Variants in LDB2 observed in about 807,000 individuals in gnomAD.
The protein encoded by LDB2 is LIM domain binding 2, also known as LIM domain-binding protein 2.
A neutral mutation model predicts 44.3 loss-of-function variants in LDB2; 12 were observed. The observed-to-expected ratio is 0.27, with a 90% CI of 0.17 to 0.44. The LOEUF (loss-of-function observed/expected upper bound fraction) is 0.44, where lower values mean the gene tolerates loss of function less well. Ranked by LOEUF, LDB2 falls within the 20% of genes least tolerant of loss-of-function variation. The pLI is 1.00. For missense variants in LDB2, 344 were observed against 473.5 expected (o/e 0.73, Z 2.54); for synonymous variants, 164 against 174.8 (o/e 0.94, Z 0.49).
At chr4:16,739,674 A>G (rs1354786485) in intron 2 of LDB2, among the ~76,000 whole-genome samples, 2 of 84,224 alleles carry the variant, frequency 2.4e-5, no homozygotes, top group Non-Finnish European at 4.5e-5. Flanking sequence ...ATATATACAT[A>G]TGTGTGTATA....
chr4:16,512,169 T>C, intron 5 of LDB2, 65 bp from the exon 6 acceptor site: 1 of 1,402,482 alleles, frequency 7.1e-7, no homozygotes, highest in Non-Finnish European at 9.6e-7. Flanking sequence ...TAAATAATGC[T>C]AACAGCTGGA....
At chr4:16,730,403 C>G (rs1760493520) in intron 2 of LDB2, among the ~76,000 whole-genome samples, 1 of 152,168 alleles carries the variant, frequency 6.6e-6, no homozygotes. Flanking sequence ...AGATCTTGTT[C>G]TTAATCTCTG....
chr4:16,599,776 C>G (rs533220855), intron 2 of LDB2, among the ~76,000 whole-genome samples: 47 of 152,322 alleles, frequency 3.1e-4, no homozygotes, highest in African/African-American at 1.1e-3. Flanking sequence ...TCAATTTCTT[C>G]TGTAAACATT....
chr4:16,880,696 G>T (rs1719802915), intron 1 of LDB2, among the ~76,000 whole-genome samples: 1 of 152,050 alleles, frequency 6.6e-6, no homozygotes, highest in Non-Finnish European at 1.5e-5. Flanking sequence ...ACGAGGTCAG[G>T]AGATCGAGAC....
intron 2 of LDB2, among the ~76,000 whole-genome samples, chr4:16,747,609 A>G (rs1442121238): frequency 6.6e-6 from 1 of 152,228 alleles, no homozygotes; most frequent in Non-Finnish European, 1.5e-5. Flanking sequence ...CATATATGAC[A>G]TGACAAACAT....
intron 1 of LDB2, among the ~76,000 whole-genome samples, chr4:16,804,921 G>T (rs1311145483): frequency 6.6e-6 from 1 of 152,136 alleles, no homozygotes; most frequent in Non-Finnish European, 1.5e-5. Context: ...TATTCTGGAT[G>T]CTGGAAATCC....
intron 5 of LDB2, among the ~76,000 whole-genome samples, chr4:16,583,222 T>C (rs992575033): frequency 2.6e-5 from 4 of 152,244 alleles, no homozygotes; most frequent in Non-Finnish European, 4.4e-5. Flanking sequence ...GCCTACTTTC[T>C]GCTCTGCTTA....
At chr4:16,756,661 G>A (rs893911070) in intron 2 of LDB2, among the ~76,000 whole-genome samples, 7 of 151,882 alleles carry the variant, frequency 4.6e-5, no homozygotes, top group African/African-American at 7.3e-5. Flanking sequence ...AATATTTATT[G>A]AGCTACCTAT....
intron 1 of LDB2, among the ~76,000 whole-genome samples, chr4:16,836,130 T>C (rs941715143): frequency 3.9e-5 from 6 of 152,222 alleles, no homozygotes; most frequent in African/African-American, 1.2e-4. Flanking sequence ...AGAACATTCA[T>C]TTTCCAAAGA....
chr4:16,650,684 T>C (rs1310105782), intron 2 of LDB2, among the ~76,000 whole-genome samples: 1 of 152,242 alleles, frequency 6.6e-6, no homozygotes, highest in Non-Finnish European at 1.5e-5. Context: ...GACTACGACA[T>C]GGCTCTGCAA....
At chr4:16,646,624 T>C (rs1346624624) in intron 2 of LDB2, among the ~76,000 whole-genome samples, 1 of 152,140 alleles carries the variant, frequency 6.6e-6, no homozygotes, top group Non-Finnish European at 1.5e-5. Flanking sequence ...CTACCAATCC[T>C]AGCAGGGACC....
chr4:16,689,614 A>G (rs1158478356), intron 2 of LDB2, among the ~76,000 whole-genome samples: 4 of 152,222 alleles, frequency 2.6e-5, no homozygotes, highest in Admixed American at 6.5e-5. Context: ...CTCCTGTTAA[A>G]TTCTTCAATC....
intron 1 of LDB2, among the ~76,000 whole-genome samples, chr4:16,833,877 G>A (rs1427756603): frequency 1.3e-5 from 2 of 151,918 alleles, no homozygotes; most frequent in South Asian, 2.1e-4. Context: ...TTCCAGCTCC[G>A]CAGCCCTTTG....
intron 5 of LDB2, among the ~76,000 whole-genome samples, chr4:16,534,809 T>C (rs1222426993): frequency 2.0e-5 from 3 of 152,204 alleles, no homozygotes; most frequent in Admixed American, 6.5e-5. Context: ...TATCCATCTA[T>C]CTGGACGCTA....
At chr4:16,713,930 T>C (rs144439345) in intron 2 of LDB2, among the ~76,000 whole-genome samples, 286 of 152,332 alleles carry the variant, frequency 1.9e-3, no homozygotes, top group African/African-American at 6.3e-3. Context: ...TGATAGATTA[T>C]TTCTGTCTGA....
intron 2 of LDB2, among the ~76,000 whole-genome samples, chr4:16,653,532 T>C (rs73130927): frequency 0.021 from 3,128 of 152,306 alleles, 113 homozygotes; most frequent in African/African-American, 0.071. Context: ...TCCTCTGTCT[T>C]GAAAACATTG....
At chr4:16,567,030 G>C (rs1009776052) in intron 5 of LDB2, among the ~76,000 whole-genome samples, 17 of 152,260 alleles carry the variant, frequency 1.1e-4, no homozygotes, top group African/African-American at 3.9e-4. Context: ...ATATGCTGCT[G>C]GTGTAACTGA....
At chr4:16,599,574 G>A (rs1722001443) in intron 2 of LDB2, among the ~76,000 whole-genome samples, 1 of 152,110 alleles carries the variant, frequency 6.6e-6, no homozygotes, top group Non-Finnish European at 1.5e-5. Flanking sequence ...GCATTATTCT[G>A]CTTCCCACAG....
chr4:16,887,777 TTAATA>T (rs1181438952), intron 1 of LDB2, among the ~76,000 whole-genome samples: 5 of 152,104 alleles, frequency 3.3e-5, no homozygotes, highest in Non-Finnish European at 5.9e-5. Flanking sequence ...AAAATTATTA[TTAATA>T]TAAGACTATA....
Sources: gnomAD v4.1 joint callset for allele counts (sites outside exome capture counted in the v4.1 genomes callset) on GRCh38, gnomAD v4.1.1 for gene constraint, MANE v1.5 for transcripts, NCBI Gene and HGNC (gene_info 2026-07-23, HGNC 2026-07-21) for gene names.